Variants in PKD1L3 observed in about 807,000 individuals in gnomAD.
The protein encoded by PKD1L3 is polycystin-1-like protein 3.
In PKD1L3, 239 loss-of-function variants were observed where a neutral mutation model predicts 184.1. That is an observed-to-expected ratio of 1.30 (90% confidence interval 1.17 to 1.45). The LOEUF (loss-of-function observed/expected upper bound fraction) is 1.45. Among genes scored for constraint, PKD1L3 ranks in the 40% most tolerant of loss-of-function variants. The probability of loss-of-function intolerance (pLI) is 0.00; values close to 1 mark genes in which losing one functional copy is unlikely to be tolerated. For synonymous variants in PKD1L3, 996 were observed against 778.8 expected, an observed-to-expected ratio of 1.28 and a Z score of -4.64; for missense variants, 2,660 against 2,067.2, an observed-to-expected ratio of 1.29 and a Z score of -5.56.
At chr16:71,950,821 C>T (rs1461644012) in intron 19 of PKD1L3, among the ~76,000 whole-genome samples, 1 of 151,104 alleles carries the variant, frequency 6.6e-6, no homozygotes, top group East Asian at 1.9e-4. Flanking sequence ...AAACCTCTGC[C>T]TCCCGGGTTC....
chr16:71,994,529 T>C (rs991585421), intron 2 of PKD1L3, among the ~76,000 whole-genome samples: 2 of 152,174 alleles, frequency 1.3e-5, no homozygotes, highest in African/African-American at 2.4e-5. Context: ...AAGTACATCA[T>C]TCCTGCATGC....
At chr16:71,968,752 C>A (rs759396105) in intron 13 of PKD1L3, among the ~76,000 whole-genome samples, 1 of 151,644 alleles carries the variant, frequency 6.6e-6, no homozygotes, top group African/African-American at 2.4e-5. Flanking sequence ...TGCACCACCA[C>A]AGCCGGCTAA....
chr16:71,980,660 C>G (rs566237250), intron 7 of PKD1L3, among the ~76,000 whole-genome samples: 1 of 152,176 alleles, frequency 6.6e-6, no homozygotes, highest in South Asian at 2.1e-4. Context: ...ATTGTGAAAC[C>G]CTGTCTCTAC....
At chr16:71,986,592 A>T in intron 4 of PKD1L3, 123 bp from the exon 5 acceptor site, 1 of 1,120,854 alleles carries the variant, frequency 8.9e-7, no homozygotes, top group Non-Finnish European at 1.2e-6. Context: ...CATTTCTGTT[A>T]AAAAAAATTC....
chr16:71,978,135 T>TA (rs1175866717), intron 10 of PKD1L3, 120 bp downstream of exon 10: 1 of 1,212,028 alleles, frequency 8.3e-7, no homozygotes, highest in Non-Finnish European at 1.1e-6. Context: ...AAGATGTTAA[T>TA]AACAAAACAA....
At chr16:71,980,854 G>A (rs2040122443) in intron 7 of PKD1L3, among the ~76,000 whole-genome samples, 1 of 151,806 alleles carries the variant, frequency 6.6e-6, no homozygotes, top group Non-Finnish European at 1.5e-5. Context: ...AATAAACCTG[G>A]TACCCATTAG....
At chr16:71,931,470 T>TTTC (rs1334384629) in intron 28 of PKD1L3, among the ~76,000 whole-genome samples, 1 of 147,438 alleles carries the variant, frequency 6.8e-6, no homozygotes, top group African/African-American at 2.5e-5. Flanking sequence ...CCACTTTTTT[T>TTTC]TTTTTTTTTT....
At position 71,944,068 on chromosome 16, in the gene PKD1L3, T is replaced by C; in HGVS notation, c.3821A>G (p.Lys1274Arg). Residue 1274 changes from lysine (K) to arginine (R), a missense_variant, in exon 23 of 30, where the codon AAA (lysine) becomes AGA (arginine). Coordinates refer to ENST00000620267, the MANE Select transcript of PKD1L3 (RefSeq NM_181536.2). ...AGTCAGCTTGAAGAGTTTCTTCTTT[T>C]TCAAGGTTCTTTCTGGGTGCTTAGT... ...SPTKHPERTLKKKKLFKLTGD... is the reference protein window; with the variant it reads ...SPTKHPERTLRKKKLFKLTGD... 1 of 1,552,202 alleles carries C rather than the reference T, an allele frequency of 6.4e-7. No individual in the cohort carries two copies. The highest frequency in any genetic ancestry group is 8.7e-7 in the Non-Finnish European group (1 of 1,147,098).
chr16:71,965,555 ATTT>A (rs34451176), intron 15 of PKD1L3, among the ~76,000 whole-genome samples: 6 of 136,896 alleles, frequency 4.4e-5, no homozygotes, highest in African/African-American at 5.4e-5. Flanking sequence ...TTTTGTGAGA[ATTT>A]TTTTTTTTTT....
intron 6 of PKD1L3, among the ~76,000 whole-genome samples, chr16:71,982,972 A>T (rs1176131896): frequency 1.3e-5 from 2 of 152,208 alleles, no homozygotes; most frequent in Non-Finnish European, 2.9e-5. Flanking sequence ...TATAAAAAAA[A>T]AGTTACAATT....
rs147505098 is a variant in PKD1L3, at chr16:71,933,983, G to T, written c.4756C>A (p.Arg1586=). Residue 1586 remains arginine (R), a synonymous_variant, in exon 27 of 30, where the codon CGA becomes AGA. Transcript: ENST00000620267. ...RLRVISRTLS[R]AWDEVVGFLL... ...AAGCCCACCACCTCGTCCCAGGCTCGGCTCAGTGTCCTGCTGATGACCCGC... is the reference window on the plus strand; with the variant it reads ...AAGCCCACCACCTCGTCCCAGGCTCTGCTCAGTGTCCTGCTGATGACCCGC... 7 of 1,551,594 alleles carry T rather than the reference G, an allele frequency of 4.5e-6. No homozygotes were observed. The highest frequency in any genetic ancestry group is 6.1e-6 in the Non-Finnish European group (7 of 1,146,996).
Position 71,930,059 on chromosome 16 carries a change from G to T in PKD1L3, c.5051C>A (p.Ser1684Ter). The T allele has an allele frequency of 1.3e-6, 2 of 1,548,262 alleles. No homozygotes were observed. Among genetic ancestry groups the T allele is most frequent in the Non-Finnish European group, 1.7e-6 (2 of 1,145,808 alleles). The change falls in exon 29 of 30, where the codon TCG (serine) becomes TAG (stop). Residue 1684 changes from serine (S) to a stop codon, truncating the protein, a stop_gained. Coordinates refer to ENST00000620267, the MANE Select transcript of PKD1L3 (RefSeq NM_181536.2). LOFTEE classifies it low-confidence loss of function (END_TRUNC). ...ILMAFGKERK[S>*]LKKEAALIDT... ...TATCTTTTAGTTACCTACCTTAAGC[G>T]ACTTTCTTTCTTTTCCAAAGGCCAT...
At chr16:71,983,528 T>C (rs2040238527) in intron 6 of PKD1L3, among the ~76,000 whole-genome samples, 1 of 152,020 alleles carries the variant, frequency 6.6e-6, no homozygotes, top group South Asian at 2.1e-4. Flanking sequence ...ACACAGTATA[T>C]CCAACAATGT....
intron 22 of PKD1L3, among the ~76,000 whole-genome samples, chr16:71,945,394 ATATATTTATTTATTTATT>A (rs1464333933): frequency 9.1e-5 from 9 of 98,784 alleles, no homozygotes; most frequent in Non-Finnish European, 1.5e-4. Flanking sequence ...ATATATATAT[ATATATTTATTTATTTATT>A]TATTTATTTA....
At chr16:71,981,843 T>G (rs1434083458) in intron 7 of PKD1L3, among the ~76,000 whole-genome samples, 1 of 151,944 alleles carries the variant, frequency 6.6e-6, no homozygotes, top group Non-Finnish European at 1.5e-5. Context: ...GTCCAGCCCC[T>G]AAGTCCTTTT....
Position 71,984,148 on chromosome 16 carries a change from C to G in PKD1L3, c.854G>C (p.Gly285Ala). 2 of 1,551,458 alleles carry G rather than the reference C, an allele frequency of 1.3e-6. No homozygotes were observed. The highest frequency in any genetic ancestry group is 1.7e-6 in the Non-Finnish European group (2 of 1,146,790). ...ACCATGAACTGCTCTGCTGAAGTTCCCTGCTATCTCATCTATGACCTATTG... is the reference window on the plus strand; with the variant it reads ...ACCATGAACTGCTCTGCTGAAGTTCGCTGCTATCTCATCTATGACCTATTG... ...ASGQVIDEIA[G>A]NFSRAVHGLQ... The change falls in exon 6 of 30, where the codon GGG becomes GCG. Residue 285 changes from glycine (G) to alanine (A), a missense_variant. Gly to Ala is a moderately conservative substitution (Grantham distance 60). Transcript: ENST00000620267.
chr16:71,946,238 A>G (rs1487727012), intron 22 of PKD1L3, among the ~76,000 whole-genome samples: 1 of 152,206 alleles, frequency 6.6e-6, no homozygotes, highest in African/African-American at 2.4e-5. Flanking sequence ...TGGAGTGCCT[A>G]CTGCTTAGCA....
intron 28 of PKD1L3, among the ~76,000 whole-genome samples, chr16:71,931,637 G>C (rs183515899): frequency 1.3e-5 from 2 of 151,634 alleles, no homozygotes; most frequent in Admixed American, 6.6e-5. Context: ...GCTAATTTTT[G>C]TATTTTAGTA....
intron 12 of PKD1L3, among the ~76,000 whole-genome samples, chr16:71,971,257 T>G (rs191237090): frequency 2.0e-3 from 309 of 152,384 alleles, no homozygotes; most frequent in Middle Eastern, 0.01. Context: ...TTGATAAAGC[T>G]GAATGTGCAT....
Sources: allele counts gnomAD v4.1 joint callset (sites outside exome capture counted in the v4.1 genomes callset), GRCh38; gene constraint gnomAD v4.1.1; transcripts MANE v1.5; gene names NCBI Gene and HGNC (gene_info 2026-07-23, HGNC 2026-07-21).